The following ATF2 variants were observed in gnomAD, a reference collection of about 807,000 sequenced individuals.
ATF2 encodes the protein cyclic AMP-dependent transcription factor ATF-2.
ATF2 carries 24 observed loss-of-function variants against 60.6 expected under a neutral mutation model. That is an observed-to-expected ratio of 0.40 (90% CI 0.29 to 0.56). The LOEUF (loss-of-function observed/expected upper bound fraction) is 0.56, where lower values mean the gene tolerates loss of function less well. Among genes scored for constraint, ATF2 ranks in the 20% least tolerant of loss-of-function variants. ATF2 has a pLI of 0.54. For synonymous variants in ATF2, 206 were observed against 215.4 expected, an observed-to-expected ratio of 0.96 and a Z score of 0.38; for missense variants, 433 against 607.7, an observed-to-expected ratio of 0.71 and a Z score of 3.02.
At chr2:175,106,424 G>T (rs1695668283) in intron 10 of ATF2, among the ~76,000 whole-genome samples, 1 of 151,884 alleles carries the variant, frequency 6.6e-6, no homozygotes, top group Non-Finnish European at 1.5e-5. Flanking sequence ...CTACTAGGAG[G>T]CTGAGGCGGG....
At chr2:175,133,621 T>A (rs1182398331) in intron 3 of ATF2, among the ~76,000 whole-genome samples, 1 of 152,190 alleles carries the variant, frequency 6.6e-6, no homozygotes, top group Non-Finnish European at 1.5e-5. Flanking sequence ...GTGACCTTAA[T>A]GTTATGTCAA....
At chr2:175,157,973 C>T (rs1254432950) in intron 1 of ATF2, among the ~76,000 whole-genome samples, 1 of 150,764 alleles carries the variant, frequency 6.6e-6, no homozygotes, top group Non-Finnish European at 1.5e-5. Flanking sequence ...GGCTGGGTGA[C>T]AGAGTGAGAC....
intron 5 of ATF2, 53 bp downstream of exon 5, chr2:175,121,391 G>T: frequency 1.6e-6 from 2 of 1,236,056 alleles, no homozygotes; most frequent in Non-Finnish European, 2.2e-6. Flanking sequence ...CAAAAATTGT[G>T]CACATTCCAG....
At chr2:175,127,166 G>A (rs1464022000) in intron 4 of ATF2, 3 of 152,256 alleles carry the variant, frequency 2.0e-5, no homozygotes, top group Admixed American at 1.3e-4. Context: ...CTGAGCCCAG[G>A]AGGTTGAGGC....
intron 2 of ATF2, among the ~76,000 whole-genome samples, chr2:175,148,485 C>G (rs929615349): frequency 6.6e-6 from 1 of 152,078 alleles, no homozygotes; most frequent in East Asian, 1.9e-4. Context: ...TCTAAGCCCC[C>G]CAACCAACAG....
intron 2 of ATF2, among the ~76,000 whole-genome samples, chr2:175,139,110 T>TAAAATG (rs981066376): frequency 2.0e-5 from 3 of 152,196 alleles, no homozygotes; most frequent in African/African-American, 7.2e-5. Flanking sequence ...GAGTACTGGA[T>TAAAATG]AAAATGGCAG....
At chr2:175,135,442 A>G (rs979331212) in intron 3 of ATF2, among the ~76,000 whole-genome samples, 5 of 152,260 alleles carry the variant, frequency 3.3e-5, no homozygotes, top group African/African-American at 1.2e-4. Flanking sequence ...TCCAATACAG[A>G]TATTTTCAAT....
At chr2:175,163,492 G>A (rs548951698) in intron 1 of ATF2, among the ~76,000 whole-genome samples, 1 of 151,986 alleles carries the variant, frequency 6.6e-6, no homozygotes, top group African/African-American at 2.4e-5. Context: ...TGTATTCCTT[G>A]GGTAGAAAGG....
chr2:175,165,698 C>G (rs1700304821), intron 1 of ATF2, among the ~76,000 whole-genome samples: 1 of 152,190 alleles, frequency 6.6e-6, no homozygotes, highest in African/African-American at 2.4e-5. Context: ...GAGACGGAGT[C>G]TCGCTGTGTC....
chr2:175,142,343 A>T (rs1698605150), intron 2 of ATF2, among the ~76,000 whole-genome samples: 1 of 151,694 alleles, frequency 6.6e-6, no homozygotes, highest in South Asian at 2.1e-4. Context: ...TAATTTTTGT[A>T]TTTTTAGTAG....
Position 175,114,872 on chromosome 2 carries a change from T to G in ATF2, c.448-4A>C. On this transcript the variant is annotated splice_region_variant and splice_polypyrimidine_tract_variant and intron_variant, in intron 7 of 13. Transcript: ENST00000264110. ...CAGTTTGTGCCAATGGTACTTCCTA[T>G]TTAACAATGAGATAAAAAAGGGTGG... The G allele has an allele frequency of 6.2e-7, 1 of 1,607,298 alleles. No individual in the cohort carries two copies. Among genetic ancestry groups the G allele is most frequent in the Non-Finnish European group, 8.5e-7 (1 of 1,175,020 alleles).
At chr2:175,094,091 G>A (rs1559058862) in intron 11 of ATF2, among the ~76,000 whole-genome samples, 1 of 151,964 alleles carries the variant, frequency 6.6e-6, no homozygotes. Flanking sequence ...ATGAATATGG[G>A]TGTCAAAAAA....
intron 12 of ATF2, among the ~76,000 whole-genome samples, chr2:175,089,887 G>T (rs1694427096): frequency 6.6e-6 from 1 of 152,002 alleles, no homozygotes; most frequent in African/African-American, 2.4e-5. Flanking sequence ...TATACTTACG[G>T]AGTCATTTCT....
At chr2:175,155,757 C>G (rs2105341776) in intron 1 of ATF2, among the ~76,000 whole-genome samples, 1 of 152,198 alleles carries the variant, frequency 6.6e-6, no homozygotes, top group East Asian at 1.9e-4. Context: ...TGAAAACTTC[C>G]AACTGTGAAA....
intron 4 of ATF2, among the ~76,000 whole-genome samples, chr2:175,128,961 TA>T (rs1310739358): frequency 6.6e-6 from 1 of 152,068 alleles, no homozygotes; most frequent in Non-Finnish European, 1.5e-5. Context: ...AAGTCAAACA[TA>T]TATCTATCAG....
chr2:175,158,975 CTTTATT>C (rs1699852104), intron 1 of ATF2, among the ~76,000 whole-genome samples: 1 of 152,130 alleles, frequency 6.6e-6, no homozygotes, highest in Non-Finnish European at 1.5e-5. Context: ...TTACTATCTT[CTTTATT>C]TTTAAGGCCA....
chr2:175,153,889 T>A (rs926769953), intron 1 of ATF2, among the ~76,000 whole-genome samples: 1 of 144,856 alleles, frequency 6.9e-6, no homozygotes, highest in Non-Finnish European at 1.5e-5. Context: ...TATACAAAAA[T>A]ATTTTCATCC....
chr2:175,076,667 A>G (rs1693322561), intron 13 of ATF2, among the ~76,000 whole-genome samples: 1 of 152,138 alleles, frequency 6.6e-6, no homozygotes, highest in Non-Finnish European at 1.5e-5. Flanking sequence ...ACATGTATAT[A>G]GAAAACAAAA....
intron 4 of ATF2, among the ~76,000 whole-genome samples, chr2:175,125,665 A>G (rs1697281577): frequency 6.6e-6 from 1 of 152,164 alleles, no homozygotes; most frequent in Non-Finnish European, 1.5e-5. Context: ...AATGTTGCTT[A>G]TAATACCAAA....
Sources: allele counts gnomAD v4.1 joint callset (sites outside exome capture counted in the v4.1 genomes callset), GRCh38; gene constraint gnomAD v4.1.1; transcripts MANE v1.5; gene names NCBI Gene and HGNC (gene_info 2026-07-23, HGNC 2026-07-21).